The following AFF1 variants were observed in gnomAD, a reference collection of about 807,000 sequenced individuals.
AFF1 encodes ALF transcription elongation factor 1, also known as AF4/FMR2 family member 1.
Under a neutral mutation model 121.7 loss-of-function variants are expected in AFF1, and 48 were observed. The ratio of observed to expected loss-of-function variants is 0.39; its 90% CI spans 0.31 to 0.50. The LOEUF (loss-of-function observed/expected upper bound fraction) is 0.50. Ranked by LOEUF, AFF1 falls within the 20% of genes least tolerant of loss-of-function variation. The pLI is 0.76. For synonymous variants in AFF1, 613 were observed against 563.0 expected, an observed-to-expected ratio of 1.09 and a Z score of -1.26; for missense variants, 1,523 against 1,511.7, an observed-to-expected ratio of 1.01 and a Z score of -0.12.
intron 4 of AFF1, among the ~76,000 whole-genome samples, chr4:87,057,415 T>G (rs771585615): frequency 3.9e-5 from 6 of 152,208 alleles, no homozygotes; most frequent in Non-Finnish European, 8.8e-5. Context: ...TGTAAGACTT[T>G]GGGCAAGGAA....
intron 2 of AFF1, among the ~76,000 whole-genome samples, chr4:86,952,454 TA>T (rs1721419046): frequency 6.6e-6 from 1 of 152,238 alleles, no homozygotes. Context: ...ATGAATCAAT[TA>T]TATTAGGTAA....
chr4:87,086,905 G>A (rs532383988), intron 5 of AFF1, among the ~76,000 whole-genome samples: 3 of 152,314 alleles, frequency 2.0e-5, no homozygotes, highest in East Asian at 1.9e-4. Flanking sequence ...TCTGGGGTCA[G>A]TATTTAAGGG....
At chr4:87,091,021 C>CA (rs72486264) in intron 6 of AFF1, among the ~76,000 whole-genome samples, 2,836 of 64,662 alleles carry the variant, frequency 0.044, 103 homozygotes, top group African/African-American at 0.14. Context: ...TCTCTACCAC[C>CA]AAAAAAAAAA....
At chr4:86,937,794 TGG>T (rs11323149) in intron 1 of AFF1, among the ~76,000 whole-genome samples, 2 of 133,722 alleles carry the variant, frequency 1.5e-5, no homozygotes, top group African/African-American at 2.9e-5. Flanking sequence ...GGGGTGGGGG[TGG>T]GGGGCTCCCT....
In AFF1 at chr4:86,970,875, A is replaced by T. The variant is rs75727910; in HGVS notation, c.38+22304A>T. Among the ~76,000 whole-genome samples the T allele has an allele frequency of 2.6e-3, 391 of 152,288 alleles. 5 individuals carry two copies. Among genetic ancestry groups the T allele is most frequent in the African/African-American group, 8.2e-3 (341 of 41,570 alleles). On this transcript the variant is annotated intron_variant, in intron 2 of 20. Transcript: ENST00000395146. ...TTGTATTTTTGTGGAACAGCAAGGT[A>T]GCCAGTGAGGCTGGAGCAGAATGTT... is the stretch of plus-strand genomic sequence containing the variant.
intron 11 of AFF1, among the ~76,000 whole-genome samples, chr4:87,108,911 G>A (rs1278737944): frequency 6.6e-6 from 1 of 152,162 alleles, no homozygotes; most frequent in Non-Finnish European, 1.5e-5. Context: ...CCCACCCTCA[G>A]GAGAATATTG....
At chr4:87,097,938 A>G (rs1209826003) in intron 8 of AFF1, among the ~76,000 whole-genome samples, 3 of 152,232 alleles carry the variant, frequency 2.0e-5, no homozygotes, top group Non-Finnish European at 4.4e-5. Flanking sequence ...CTTCTTTGAC[A>G]TGCAGTTAAG....
intron 2 of AFF1, among the ~76,000 whole-genome samples, chr4:87,037,471 C>A (rs1729682111): frequency 6.6e-6 from 1 of 152,072 alleles, no homozygotes; most frequent in Non-Finnish European, 1.5e-5. Context: ...ACCACCACAC[C>A]CGGCCAATGT....
In AFF1 at chr4:87,126,213, A is replaced by T. The variant is rs1728231080; in HGVS notation, c.2688A>T (p.Ala896=). 6.2e-7 allele frequency: 1 copy of T among 1,614,188 alleles called. No individual in the cohort carries two copies. Among genetic ancestry groups the T allele is most frequent in the Non-Finnish European group, 8.5e-7 (1 of 1,180,036 alleles). ...KPALKRSRRE[A]DTCGQDPPKS... Reference sequence around the variant, plus strand: ...CACTTAAGAGGTCAAGGCGGGAAGCAGACACCTGTGGCCAGGACCCTCCCA... The same window carrying T: ...CACTTAAGAGGTCAAGGCGGGAAGCTGACACCTGTGGCCAGGACCCTCCCA... The change falls in exon 14 of 21, where the codon GCA becomes GCT. Residue 896 remains alanine (A), a synonymous_variant. Transcript: ENST00000395146.
chr4:87,073,280 C>CAAAAAAAAAAA (rs55821662), intron 4 of AFF1, among the ~76,000 whole-genome samples: 8 of 83,686 alleles, frequency 9.6e-5, no homozygotes, highest in Admixed American at 2.9e-4. Context: ...GCATTAAAGC[C>CAAAAAAAAAAA]AAAAAAAAAA....
chr4:86,972,937 C>T (rs1723046326), intron 2 of AFF1, among the ~76,000 whole-genome samples: 1 of 152,126 alleles, frequency 6.6e-6, no homozygotes, highest in South Asian at 2.1e-4. Flanking sequence ...CATTATATTT[C>T]TGTTGGTTAT....
chr4:87,049,026 A>G (rs1033497618), intron 4 of AFF1, among the ~76,000 whole-genome samples: 2 of 144,864 alleles, frequency 1.4e-5, no homozygotes, highest in Non-Finnish European at 3.0e-5. Context: ...AAAGAACTCA[A>G]TGAGAGTTTC....
chr4:87,112,826 G>A (rs1578274961), intron 11 of AFF1, among the ~76,000 whole-genome samples: 1 of 152,222 alleles, frequency 6.6e-6, no homozygotes, highest in Non-Finnish European at 1.5e-5. Flanking sequence ...ACCTCCCCGA[G>A]TGGATCTTTA....
intron 2 of AFF1, among the ~76,000 whole-genome samples, chr4:86,991,004 T>A (rs1409707371): frequency 1.3e-5 from 2 of 151,934 alleles, no homozygotes; most frequent in African/African-American, 2.4e-5. Flanking sequence ...ATGTAAAAAT[T>A]AGCTGGGCGT....
intron 1 of AFF1, among the ~76,000 whole-genome samples, chr4:86,945,760 G>A (rs899427536): frequency 6.6e-6 from 1 of 151,870 alleles, no homozygotes; most frequent in Admixed American, 6.6e-5. Context: ...CCAAAGTGTT[G>A]GGATTACAGG....
chr4:87,061,751 A>G (rs1720810921), intron 4 of AFF1, among the ~76,000 whole-genome samples: 1 of 152,134 alleles, frequency 6.6e-6, no homozygotes, highest in Non-Finnish European at 1.5e-5. Flanking sequence ...CTTTATCTGT[A>G]TGATTATTCC....
At chr4:87,011,072 C>A (rs1726693893) in intron 2 of AFF1, among the ~76,000 whole-genome samples, 1 of 115,976 alleles carries the variant, frequency 8.6e-6, no homozygotes. Flanking sequence ...GAGTGAGACT[C>A]CGTCTCAAAA....
At chr4:86,977,419 C>G (rs1723383910) in intron 2 of AFF1, among the ~76,000 whole-genome samples, 1 of 152,038 alleles carries the variant, frequency 6.6e-6, no homozygotes, top group South Asian at 2.1e-4. Context: ...ATTTTTAGAC[C>G]TTGGATGACT....
Position 86,943,275 on chromosome 4 carries a change from G to A in AFF1, c.-36-5223G>A, listed in dbSNP as rs868546449. 7.2e-5 allele frequency among the ~76,000 whole-genome samples: 11 copies of A among 152,326 alleles called. 1 individual carries two copies. In the Middle Eastern group the frequency reaches 0.037, roughly 518 times the overall value. On this transcript the variant is annotated intron_variant, in intron 1 of 20. Coordinates refer to ENST00000395146, the MANE Select transcript of AFF1 (RefSeq NM_001166693.3). ...CATTGGAGAGCCTAGAGGAACTGTA[G>A]ATGATCAGGTCAGTTTGGGGTCCTG...
Sources: allele counts gnomAD v4.1 joint callset (sites outside exome capture counted in the v4.1 genomes callset), GRCh38; gene constraint gnomAD v4.1.1; transcripts MANE v1.5; gene names NCBI Gene and HGNC (gene_info 2026-07-23, HGNC 2026-07-21).